PUDP: variants seen among roughly 807,000 people sequenced by gnomAD.
The protein encoded by PUDP is pseudouridine-5'-phosphatase.
Under a neutral mutation model 9.4 loss-of-function variants are expected in PUDP, and 8 were observed. The ratio of observed to expected loss-of-function variants is 0.85; its 90% CI spans 0.50 to 1.53. PUDP has a LOEUF of 1.53. Ranked by LOEUF, PUDP falls within the 40% of genes most tolerant of loss-of-function variation. The pLI is 0.00. For missense variants in PUDP, 188 were observed against 189.7 expected (o/e 0.99, Z 0.05); for synonymous variants, 99 against 80.7 (o/e 1.23, Z -1.22).
intron 3 of PUDP, among the ~76,000 whole-genome samples, chrX:6,777,889 A>G (rs1925491790): frequency 1.8e-5 from 2 of 112,227 alleles, no homozygotes; most frequent in Admixed American, 1.9e-4. Flanking sequence ...AGTTGACTGT[A>G]AAAAGCCTCG....
At chrX:6,715,880 G>C (rs1211248737) in intron 1 of PUDP, among the ~76,000 whole-genome samples, 1 of 111,394 alleles carries the variant, frequency 9.0e-6, no homozygotes, top group African/African-American at 3.3e-5. Flanking sequence ...ATCTGAAGTG[G>C]GGTGTGGGAG....
intron 1 of PUDP, among the ~76,000 whole-genome samples, chrX:7,139,216 C>T (rs1023632546): frequency 4.5e-5 from 5 of 112,306 alleles, no homozygotes; most frequent in African/African-American, 1.6e-4. Context: ...GCCTTTGTAA[C>T]ACCCAGCAGA....
At chrX:6,730,562 A>G (rs1325420968) in intron 3 of PUDP, among the ~76,000 whole-genome samples, 1 of 112,193 alleles carries the variant, frequency 8.9e-6, no homozygotes, top group East Asian at 2.8e-4. Flanking sequence ...TCTAGGAGCG[A>G]GACCCACAAG....
intron 3 of PUDP, among the ~76,000 whole-genome samples, chrX:6,728,584 G>A (rs891465922): frequency 4.5e-5 from 5 of 111,877 alleles, no homozygotes. Context: ...AAGGGATTAT[G>A]TGACTTGCCG....
At chrX:6,933,119 G>C (rs1187055666) in intron 3 of PUDP, among the ~76,000 whole-genome samples, 1 of 109,948 alleles carries the variant, frequency 9.1e-6, no homozygotes, top group Non-Finnish European at 1.9e-5. Flanking sequence ...AGAGAGCAGT[G>C]GTTCTCCCAG....
At chrX:6,737,229 C>T (rs1053440836) in intron 3 of PUDP, among the ~76,000 whole-genome samples, 4 of 112,055 alleles carry the variant, frequency 3.6e-5, no homozygotes, top group African/African-American at 6.5e-5. Flanking sequence ...TTCTTGATTT[C>T]AGACTCTGGC....
At chrX:7,140,133 T>C (rs1435129514) in intron 1 of PUDP, among the ~76,000 whole-genome samples, 2 of 112,253 alleles carry the variant, frequency 1.8e-5, no homozygotes, top group Non-Finnish European at 3.8e-5. Context: ...GAAATGCATG[T>C]GTTAGGATTA....
chrX:7,079,019 CT>C (rs1455247669), intron 2 of PUDP, among the ~76,000 whole-genome samples: 1 of 111,785 alleles, frequency 8.9e-6, no homozygotes, highest in Non-Finnish European at 1.9e-5. Context: ...ATAAACACAC[CT>C]AAGATAGACA....
upstream of PUDP, among the ~76,000 whole-genome samples, chrX:6,725,508 G>C (rs1371448457): frequency 9.0e-6 from 1 of 111,528 alleles, no homozygotes; most frequent in African/African-American, 3.3e-5. Flanking sequence ...TTGTTTCTGA[G>C]TTATTTCTCT....
intron 3 of PUDP, among the ~76,000 whole-genome samples, chrX:6,841,307 T>C (rs1036835179): frequency 3.7e-4 from 40 of 109,239 alleles, no homozygotes; most frequent in African/African-American, 1.3e-3. Flanking sequence ...AATAAAATAT[T>C]TTGGCCAGGT....
At chrX:6,867,273 T>C (rs898501926) in intron 3 of PUDP, among the ~76,000 whole-genome samples, 5 of 112,240 alleles carry the variant, frequency 4.5e-5, no homozygotes, top group Admixed American at 1.9e-4. Flanking sequence ...TGTTGTTTTA[T>C]GTTCAACAAC....
chrX:7,072,166 C>T (rs553966463), intron 3 of PUDP, among the ~76,000 whole-genome samples: 1 of 111,440 alleles, frequency 9.0e-6, no homozygotes, highest in Non-Finnish European at 1.9e-5. Flanking sequence ...TGAAATGAGC[C>T]CAGTCTACCT....
chrX:6,922,203 T>C (rs1395973461), intron 3 of PUDP, among the ~76,000 whole-genome samples: 1 of 111,448 alleles, frequency 9.0e-6, no homozygotes, highest in East Asian at 2.8e-4. Context: ...CACAGTAGAA[T>C]AACTATAATG....
At chrX:6,957,652 AT>A (rs1928646856) in intron 3 of PUDP, among the ~76,000 whole-genome samples, 1 of 112,469 alleles carries the variant, frequency 8.9e-6, no homozygotes, top group African/African-American at 3.2e-5. Flanking sequence ...TCTTTAACAA[AT>A]ACCTGAGAAT....
At chrX:6,853,042 G>A (rs1258702950) in intron 3 of PUDP, among the ~76,000 whole-genome samples, 1 of 111,945 alleles carries the variant, frequency 8.9e-6, no homozygotes, top group African/African-American at 3.2e-5. Flanking sequence ...TAATGCACAT[G>A]CAAGCCCTTA....
chrX:6,739,182 T>G (rs1271090607), intron 3 of PUDP, among the ~76,000 whole-genome samples: 1 of 111,667 alleles, frequency 9.0e-6, no homozygotes, highest in Non-Finnish European at 1.9e-5. Context: ...TGAACACCAA[T>G]GTCTGTTTCT....
chrX:6,835,231 C>T (rs777412667), intron 3 of PUDP, among the ~76,000 whole-genome samples: 1 of 110,781 alleles, frequency 9.0e-6, no homozygotes, highest in East Asian at 2.8e-4. Flanking sequence ...AAACAGTGAC[C>T]CCACTCTGAT....
rs1281213939 is a variant in PUDP at position 6,840,559 on chromosome X, C to T, written c.*248-134093G>A. ...TCTGGGAGAGGCAAAACTATAGCAACAGTAAAAATATATTGGTGTATTCCA... is the reference window on the plus strand; with the variant it reads ...TCTGGGAGAGGCAAAACTATAGCAATAGTAAAAATATATTGGTGTATTCCA... On this transcript the variant is annotated intron_variant and NMD_transcript_variant, in intron 3 of 3. Transcript: ENST00000655425. 3.6e-5 allele frequency among the ~76,000 whole-genome samples: 4 copies of T among 111,917 alleles called. No individual in the cohort carries two copies. In the Admixed American group the frequency reaches 3.8e-4, roughly 11 times the overall value.
At chrX:6,806,325 T>C (rs760159336) in intron 3 of PUDP, among the ~76,000 whole-genome samples, 2 of 111,589 alleles carry the variant, frequency 1.8e-5, no homozygotes, top group East Asian at 5.6e-4. Flanking sequence ...TTTATTATTT[T>C]TATTTATTAA....
Sources: allele counts gnomAD v4.1 joint callset (sites outside exome capture counted in the v4.1 genomes callset), GRCh38; gene constraint gnomAD v4.1.1; transcripts MANE v1.5; gene names NCBI Gene and HGNC (gene_info 2026-07-23, HGNC 2026-07-21).